Variants in CACUL1 observed in about 807,000 individuals in gnomAD.
CACUL1 encodes the protein CDK2-associated and cullin domain-containing protein 1.
In CACUL1, 13 loss-of-function variants were observed where a neutral mutation model predicts 45.2. The observed-to-expected ratio is 0.29, with a 90% CI of 0.19 to 0.46. The LOEUF (loss-of-function observed/expected upper bound fraction) is 0.46. Ranked by LOEUF, CACUL1 falls within the 20% of genes least tolerant of loss-of-function variation. The pLI, the probability that CACUL1 is intolerant of heterozygous loss-of-function variation, is 1.00. For synonymous variants in CACUL1, 197 were observed against 174.2 expected (o/e 1.13, Z -1.03); for missense variants, 421 against 471.4 (o/e 0.89, Z 0.99).
chr10:118,724,078 C>G (rs1483305549), intron 3 of CACUL1, among the ~76,000 whole-genome samples: 1 of 152,076 alleles, frequency 6.6e-6, no homozygotes, highest in African/African-American at 2.4e-5. Context: ...TCAAGACCAT[C>G]TTAATCCAAT....
intron 3 of CACUL1, among the ~76,000 whole-genome samples, chr10:118,721,851 A>T (rs948121975): frequency 6.6e-6 from 1 of 152,230 alleles, no homozygotes; most frequent in African/African-American, 2.4e-5. Flanking sequence ...ATATACAATA[A>T]ATGTATCAAC....
chr10:118,744,584 T>C (rs1845824138), intron 1 of CACUL1, among the ~76,000 whole-genome samples: 1 of 152,194 alleles, frequency 6.6e-6, no homozygotes, highest in Non-Finnish European at 1.5e-5. Flanking sequence ...ACACTGGGCA[T>C]GTACTCAATG....
chr10:118,701,698 T>C (rs918157680), intron 4 of CACUL1, among the ~76,000 whole-genome samples: 2 of 152,212 alleles, frequency 1.3e-5, no homozygotes, highest in East Asian at 3.8e-4. Flanking sequence ...CTGTGTGGAA[T>C]ACCCTTTAAA....
intron 4 of CACUL1, among the ~76,000 whole-genome samples, chr10:118,703,399 T>C (rs567393035): frequency 6.6e-6 from 1 of 152,300 alleles, no homozygotes; most frequent in East Asian, 1.9e-4. Flanking sequence ...GGAAGATTTT[T>C]CTCTAAAAAA....
intron 7 of CACUL1, 98 bp from the exon 8 acceptor site, chr10:118,686,739 G>C: frequency 1.2e-6 from 1 of 865,784 alleles, no homozygotes; most frequent in South Asian, 1.4e-5. Flanking sequence ...AGACATTTCA[G>C]TTCTAACCAA....
In CACUL1 at chr10:118,743,204, AT is replaced by A. The variant is rs556540665; in HGVS notation, c.367+11191del. Reference sequence around the variant, plus strand: ...ACAGAGAGTAAAAAAGAAAAAAAAAATCTTTAAAAAAATGAACAGAACCTCA... The same window carrying A: ...ACAGAGAGTAAAAAAGAAAAAAAAAACTTTAAAAAAATGAACAGAACCTCA... On this transcript the variant is annotated intron_variant, in intron 1 of 8. Transcript: ENST00000369151. 2.2e-4 allele frequency among the ~76,000 whole-genome samples: 34 copies of A among 152,242 alleles called. No homozygotes were observed. The East Asian group carries it at 3.3e-3, about 15-fold the overall frequency.
intron 3 of CACUL1, among the ~76,000 whole-genome samples, chr10:118,708,811 C>G (rs542730770): frequency 3.9e-5 from 6 of 152,116 alleles, no homozygotes; most frequent in Non-Finnish European, 5.9e-5. Context: ...AGAAAGAGGG[C>G]CCTCACCAGG....
chr10:118,724,657 T>C (rs1235447584), intron 3 of CACUL1, among the ~76,000 whole-genome samples: 1 of 152,190 alleles, frequency 6.6e-6, no homozygotes, highest in Non-Finnish European at 1.5e-5. Flanking sequence ...AAGAAGAGAC[T>C]GCAGGAAGAC....
rs995767809 is a variant in CACUL1, at chr10:118,681,722, C to T, written c.*4406G>A. On this transcript the variant is annotated 3_prime_UTR_variant, in exon 9 of 9. Coordinates refer to ENST00000369151, the MANE Select transcript of CACUL1 (RefSeq NM_153810.5). The stretch of plus-strand genomic sequence containing the variant: ...TTCCTTTAATTCTCCCACAGCCACT[C>T]CATCAACAGAAGCAGAAACAGTACA... 3 of 152,250 alleles carry T rather than the reference C, an allele frequency of 2.0e-5. No homozygotes were observed. The highest frequency in any genetic ancestry group is 7.2e-5 in the African/African-American group (3 of 41,426). 9.4% of individuals were successfully genotyped at this position (152,250 alleles called of 1,614,324 possible). A position where few individuals can be genotyped will look rare whatever the true frequency, so the allele number is the denominator to read the frequency against.
intron 1 of CACUL1, among the ~76,000 whole-genome samples, chr10:118,749,887 A>G (rs1444248989): frequency 1.3e-5 from 2 of 152,222 alleles, no homozygotes; most frequent in Non-Finnish European, 2.9e-5. Flanking sequence ...AAACTAGTTC[A>G]TGGTTCCCTA....
chr10:118,700,210 A>G (rs1845365199), intron 5 of CACUL1, among the ~76,000 whole-genome samples: 1 of 152,196 alleles, frequency 6.6e-6, no homozygotes, highest in South Asian at 2.1e-4. Context: ...TTACGGCTCA[A>G]AGGAAAGCAA....
At chr10:118,733,062 T>C (rs1845711229) in intron 1 of CACUL1, among the ~76,000 whole-genome samples, 1 of 152,140 alleles carries the variant, frequency 6.6e-6, no homozygotes, top group Non-Finnish European at 1.5e-5. Context: ...AATGCTTAGT[T>C]CAATAAACCA....
At position 118,754,558 on chromosome 10, in the gene CACUL1, C is replaced by T. The variant is rs756839692; in HGVS notation, c.205G>A (p.Gly69Ser). ...AVPAVSVDRK[G>S]PKEGLPMGPQ... ...CCCATCGGGAGCCCCTCCTTGGGGC[C>T]TTTCCTGTCCACGGAGACCGCGGGC... Residue 69 changes from glycine (G) to serine (S), a missense_variant, in exon 1 of 9, where the codon GGC becomes AGC. Physicochemically the swap from Gly to Ser is moderately conservative, Grantham distance 56 (BLOSUM62 0). This residue lies in a region of CACUL1 where 213 missense variants were observed against 173.1 expected (regional missense o/e 1.23). Transcript: ENST00000369151. 59 of 1,611,830 alleles carry T rather than the reference C, an allele frequency of 3.7e-5. 1 individual carries two copies. The highest frequency in any genetic ancestry group is 4.9e-5 in the Non-Finnish European group (58 of 1,179,242).
rs542542851 is a variant in CACUL1 at position 118,685,815 on chromosome 10, G to A, written c.*313C>T. 8.7e-6 allele frequency: 2 copies of A among 229,780 alleles called. No homozygotes were observed. Among genetic ancestry groups the A allele is most frequent in the Non-Finnish European group, 8.4e-6 (1 of 119,270 alleles). 14.2% of individuals were successfully genotyped at this position (229,780 alleles called of 1,614,324 possible). ...TGCTCTTATATTTTTGGAGGAAGCT[G>A]CTGATTTTGGCTGTCAGATTTCACT... On this transcript the variant is annotated 3_prime_UTR_variant, in exon 9 of 9. Coordinates refer to ENST00000369151, the MANE Select transcript of CACUL1 (RefSeq NM_153810.5).
intron 5 of CACUL1, among the ~76,000 whole-genome samples, chr10:118,697,220 A>G (rs1343251950): frequency 2.0e-5 from 3 of 152,210 alleles, no homozygotes; most frequent in African/African-American, 7.2e-5. Flanking sequence ...AATTCTCACA[A>G]GCTTTATCAT....
chr10:118,716,189 G>A (rs946760530), intron 3 of CACUL1, among the ~76,000 whole-genome samples: 1 of 150,278 alleles, frequency 6.7e-6, no homozygotes, highest in East Asian at 2.0e-4. Flanking sequence ...CCAAGATTGC[G>A]CCACTGCACT....
chr10:118,727,169 G>A (rs187740612), intron 3 of CACUL1, among the ~76,000 whole-genome samples: 2 of 152,058 alleles, frequency 1.3e-5, no homozygotes, highest in Admixed American at 6.5e-5. Context: ...CTGGCAGATC[G>A]CTTGAGTCCA....
chr10:118,692,314 CTA>C (rs1403636545), intron 6 of CACUL1: 1 of 151,628 alleles, frequency 6.6e-6, no homozygotes, highest in Non-Finnish European at 1.5e-5. Context: ...GCTCAGGAGA[CTA>C]TAGAAAATAA....
chr10:118,726,338 G>C, intron 3 of CACUL1: 2 of 1,287,620 alleles, frequency 1.6e-6, no homozygotes, highest in South Asian at 1.2e-5. Context: ...CTTTCCATTA[G>C]TACAGGTCAC....
Sources: allele counts gnomAD v4.1 joint callset (sites outside exome capture counted in the v4.1 genomes callset), GRCh38; gene constraint gnomAD v4.1.1; regional missense constraint gnomAD v4.1.1; transcripts MANE v1.5; gene names NCBI Gene and HGNC (gene_info 2026-07-23, HGNC 2026-07-21).